The following PCED1B variants were observed in gnomAD, a reference collection of about 807,000 sequenced individuals.
PCED1B encodes the protein PC-esterase domain containing 1B, also known as PC-esterase domain-containing protein 1B.
For missense variants in PCED1B, 573 were observed against 573.9 expected (o/e 1.00, Z 0.02); for synonymous variants, 251 against 246.1 (o/e 1.02, Z -0.19).
intron 2 of PCED1B, among the ~76,000 whole-genome samples, chr12:47,113,245 C>T (rs75981087): frequency 9.5e-4 from 144 of 152,142 alleles, no homozygotes; most frequent in South Asian, 2.3e-3. Context: ...GTATCAGAGA[C>T]GGCTATGGAA....
At chr12:47,108,515 T>A (rs565608072) in intron 2 of PCED1B, among the ~76,000 whole-genome samples, 13 of 152,340 alleles carry the variant, frequency 8.5e-5, no homozygotes, top group African/African-American at 1.7e-4. Context: ...GCTTGTATGA[T>A]CATCTTTGTA....
At chr12:47,143,443 A>C (rs1345598857) in intron 2 of PCED1B, among the ~76,000 whole-genome samples, 1 of 152,176 alleles carries the variant, frequency 6.6e-6, no homozygotes, top group East Asian at 1.9e-4. Flanking sequence ...TGAATAAAAA[A>C]CTATTCATAA....
At chr12:47,182,385 C>G (rs1048692677) in intron 2 of PCED1B, among the ~76,000 whole-genome samples, 3 of 151,878 alleles carry the variant, frequency 2.0e-5, no homozygotes, top group South Asian at 2.1e-4. Context: ...CAAGGTCAGG[C>G]CTTTGAGACC....
At position 47,082,389 on chromosome 12, in the gene PCED1B, A is replaced by T. The variant is rs190745582; in HGVS notation, c.-609+2664A>T. ...TTATGCTTTGAAAGCTTGTCTTAAA[A>T]AAAAGGAGAAGAAAGAGAAAGAGGA... On this transcript the variant is annotated intron_variant, in intron 1 of 3. Transcript: ENST00000546455. 2.2e-3 allele frequency among the ~76,000 whole-genome samples: 337 copies of T among 152,356 alleles called. 1 individual carries two copies. Among genetic ancestry groups the T allele is most frequent in the Middle Eastern group, 6.8e-3 (2 of 294 alleles).
chr12:47,187,331 G>A lies in PCED1B; in HGVS notation c.-525-28891G>A, dbSNP rs373297061. 2.0e-4 allele frequency among the ~76,000 whole-genome samples: 31 copies of A among 152,244 alleles called. No homozygotes were observed. In the East Asian group the frequency reaches 5.2e-3, roughly 26 times the overall value. On this transcript the variant is annotated intron_variant, in intron 2 of 3. Coordinates refer to ENST00000546455, the MANE Select transcript of PCED1B (RefSeq NM_138371.3). ...AATGGGTGGTAAATGTAGTGAAAAG[G>A]AAGCACCAGGAAATTGGAAATCTCA...
intron 2 of PCED1B, among the ~76,000 whole-genome samples, chr12:47,170,876 G>T (rs1941707136): frequency 1.3e-5 from 2 of 151,420 alleles, no homozygotes; most frequent in South Asian, 2.1e-4. Flanking sequence ...TTGCTGATTT[G>T]TTCAGGTTGC....
rs760678015 is a variant in PCED1B, at chr12:47,131,673, C to CTTTTTTTTTT, written c.-526+27483_-526+27492dup. Among the ~76,000 whole-genome samples the CTTTTTTTTTT allele has an allele frequency of 4.4e-3, 558 of 127,884 alleles. 48 individuals are homozygous for CTTTTTTTTTT. The highest frequency in any genetic ancestry group is 0.018 in the African/African-American group (498 of 27,838). The allele number at this position is 127,884 out of a possible 152,430, so 83.9% of individuals were successfully genotyped here. ...CTGACACTATTGTCATGTTTTACTT[C>CTTTTTTTTTT]TTTTTTTTTTTTTTGAGAAGGAGTC... On this transcript the variant is annotated intron_variant, in intron 2 of 3. Transcript: ENST00000546455.
intron 1 of PCED1B, among the ~76,000 whole-genome samples, chr12:47,096,425 T>C (rs1938486143): frequency 6.7e-6 from 1 of 150,242 alleles, no homozygotes; most frequent in Admixed American, 6.7e-5. Flanking sequence ...ATACACATTA[T>C]ATATTATATA....
At chr12:47,182,577 C>A (rs535557942) in intron 2 of PCED1B, among the ~76,000 whole-genome samples, 10 of 147,892 alleles carry the variant, frequency 6.8e-5, no homozygotes, top group Admixed American at 2.7e-4. Flanking sequence ...GGTGACAGAG[C>A]GAGACTCCAT....
intron 2 of PCED1B, among the ~76,000 whole-genome samples, chr12:47,119,226 A>G (rs1939567911): frequency 6.6e-6 from 1 of 152,214 alleles, no homozygotes; most frequent in South Asian, 2.1e-4. Context: ...CTCACACCAA[A>G]TATAAAAATT....
At chr12:47,228,409 A>G (rs1041695912) in intron 3 of PCED1B, among the ~76,000 whole-genome samples, 2 of 151,980 alleles carry the variant, frequency 1.3e-5, no homozygotes, top group African/African-American at 4.8e-5. Flanking sequence ...CTCATTCACC[A>G]CCCATCCCCT....
rs549119580 is a variant in PCED1B, at chr12:47,102,421, G to A, written c.-608-1692G>A. ...AAGATAATAAACTACATTCCCATTC[G>A]CCTATCCCTCTACCCCAGTACTGTG... On this transcript the variant is annotated intron_variant, in intron 1 of 3. Coordinates refer to ENST00000546455, the MANE Select transcript of PCED1B (RefSeq NM_138371.3). 5.3e-5 allele frequency among the ~76,000 whole-genome samples: 8 copies of A among 152,056 alleles called. No individual in the cohort carries two copies. The South Asian group carries it at 1.5e-3, about 28-fold the overall frequency.
intron 1 of PCED1B, among the ~76,000 whole-genome samples, chr12:47,099,900 G>A (rs959448371): frequency 1.3e-5 from 2 of 152,186 alleles, no homozygotes; most frequent in African/African-American, 4.8e-5. Flanking sequence ...TTCCATGCCA[G>A]TCATAAAGCT....
intron 2 of PCED1B, among the ~76,000 whole-genome samples, chr12:47,130,185 T>G (rs536729783): frequency 6.6e-6 from 1 of 152,300 alleles, no homozygotes; most frequent in East Asian, 1.9e-4. Flanking sequence ...TAAGGCTTTA[T>G]TTTAAAAGGT....
intron 2 of PCED1B, among the ~76,000 whole-genome samples, chr12:47,143,985 C>T (rs550320129): frequency 5.9e-5 from 9 of 152,284 alleles, no homozygotes; most frequent in East Asian, 3.9e-4. Context: ...AGTTGGGGCT[C>T]TCTGTAGTTA....
chr12:47,236,007 T>G lies in PCED1B; in HGVS notation c.944T>G (p.Leu315Arg). ...CCCCAGCGCTTGCCGCTGCTCCCGC[T>G]CCTGTCCCCACAGCCTCCTCCTCCC... ...FPPQRLPLLP[L>R]LSPQPPPPIL... The change falls in exon 4 of 4, where the codon CTC (leucine) becomes CGC (arginine). Residue 315 changes from leucine (L) to arginine (R), a missense_variant. Physicochemically the swap from Leu to Arg is moderately radical, Grantham distance 102. Coordinates refer to ENST00000546455, the MANE Select transcript of PCED1B (RefSeq NM_138371.3). 6.2e-7 allele frequency: 1 copy of G among 1,606,828 alleles called. No individual in the cohort carries two copies. Among genetic ancestry groups the G allele is most frequent in the Non-Finnish European group, 8.5e-7 (1 of 1,178,056 alleles).
At chr12:47,088,203 G>A (rs1370709334) in intron 1 of PCED1B, among the ~76,000 whole-genome samples, 1 of 152,212 alleles carries the variant, frequency 6.6e-6, no homozygotes, top group African/African-American at 2.4e-5. Context: ...GATGTGGTCT[G>A]ACGCAGCACA....
intron 1 of PCED1B, among the ~76,000 whole-genome samples, chr12:47,089,461 C>CATATATATATATATATATATATATATAT (rs1217283440): frequency 3.2e-5 from 2 of 63,408 alleles, no homozygotes; most frequent in African/African-American, 6.1e-5. Context: ...AAAAAAAATA[C>CATATATATATATATATATATATATATAT]ATATATATAT....
At chr12:47,183,733 C>A (rs1489512388) in intron 2 of PCED1B, among the ~76,000 whole-genome samples, 2 of 152,186 alleles carry the variant, frequency 1.3e-5, no homozygotes, top group East Asian at 1.9e-4. Context: ...TTTTGCTCAG[C>A]CATCTTAGAA....
Sources: gnomAD v4.1 joint callset for allele counts (sites outside exome capture counted in the v4.1 genomes callset) on GRCh38, gnomAD v4.1.1 for gene constraint, MANE v1.5 for transcripts, NCBI Gene and HGNC (gene_info 2026-07-23, HGNC 2026-07-21) for gene names.